Variants in STIM2 observed in about 807,000 individuals in gnomAD.
STIM2 encodes stromal interaction molecule 2.
A neutral mutation model predicts 85.8 loss-of-function variants in STIM2; 31 were observed. The observed-to-expected ratio is 0.36, with a 90% CI of 0.27 to 0.49. The LOEUF is 0.49. STIM2 is among the 20% of genes least tolerant of loss of function. STIM2 has a pLI of 0.98. For synonymous variants in STIM2, 356 were observed against 331.1 expected (o/e 1.08, Z -0.82); for missense variants, 841 against 927.6 (o/e 0.91, Z 1.21).
intron 2 of STIM2, among the ~76,000 whole-genome samples, chr4:26,931,739 CTTACAG>C (rs1257219315): frequency 2.0e-5 from 3 of 152,144 alleles, no homozygotes; most frequent in African/African-American, 7.2e-5. Flanking sequence ...TGTCTATTAA[CTTACAG>C]TTACTGAGGT....
At chr4:26,923,625 G>A (rs1175101314) in intron 2 of STIM2, among the ~76,000 whole-genome samples, 2 of 121,590 alleles carry the variant, frequency 1.6e-5, no homozygotes, top group Non-Finnish European at 3.4e-5. Context: ...CAACTAATGA[G>A]CAAAATCACC....
At chr4:26,991,419 G>A (rs148458948) in intron 3 of STIM2, among the ~76,000 whole-genome samples, 2 of 152,098 alleles carry the variant, frequency 1.3e-5, no homozygotes, top group Non-Finnish European at 2.9e-5. Flanking sequence ...GTTACCAGAG[G>A]CTGGGAAGCG....
intron 4 of STIM2, among the ~76,000 whole-genome samples, chr4:26,998,042 A>C (rs1203877251): frequency 6.6e-6 from 1 of 152,234 alleles, no homozygotes; most frequent in Non-Finnish European, 1.5e-5. Context: ...CAAGTTACTC[A>C]ACCTCTCACA....
At chr4:27,019,341 A>G (rs1433067324) in intron 11 of STIM2, 1 of 952,362 alleles carries the variant, frequency 1.1e-6, no homozygotes, top group African/African-American at 1.7e-5. Flanking sequence ...CAGTTGGAGA[A>G]TCTGATGCGA....
chr4:26,967,653 C>T (rs1726773964), intron 3 of STIM2, among the ~76,000 whole-genome samples: 1 of 152,102 alleles, frequency 6.6e-6, no homozygotes, highest in African/African-American at 2.4e-5. Flanking sequence ...TTGCTTCCTT[C>T]TTTGTCTGCC....
chr4:26,921,461 G>T (rs1445282839), intron 2 of STIM2, among the ~76,000 whole-genome samples: 1 of 152,198 alleles, frequency 6.6e-6, no homozygotes. Context: ...AGTTGCTGTT[G>T]TAACTATTCA....
At chr4:26,988,243 C>T (rs778549344) in intron 3 of STIM2, among the ~76,000 whole-genome samples, 2 of 152,054 alleles carry the variant, frequency 1.3e-5, no homozygotes, top group African/African-American at 2.4e-5. Context: ...TGGACAATTA[C>T]GTTATGGTAT....
rs570158474 is a variant in STIM2 at position 26,956,834 on chromosome 4, C to T, written c.283-778C>T. Among the ~76,000 whole-genome samples the T allele has an allele frequency of 1.2e-4, 19 of 152,108 alleles. No homozygotes were observed. In the South Asian group the frequency reaches 3.3e-3, roughly 27 times the overall value. On this transcript the variant is annotated intron_variant, in intron 2 of 11. Transcript: ENST00000467087. ...CTGTTGAATATAACCAAATGGCTTG[C>T]GTTGGAATTTCAGCTCGATATTCAT...
At position 26,885,859 on chromosome 4, in the gene STIM2, A is replaced by ATG. The variant is rs1396343361; in HGVS notation, c.151+24491_151+24492insGT. Among the ~76,000 whole-genome samples, 19 of 89,428 alleles carry ATG rather than the reference A, an allele frequency of 2.1e-4. 1 individual carries two copies. Among genetic ancestry groups the ATG allele is most frequent in the East Asian group, 1.3e-3 (3 of 2,244 alleles). The allele number at this position is 89,428 out of a possible 152,430, so 58.7% of individuals were successfully genotyped here. A position where few individuals can be genotyped will look rare whatever the true frequency, so the allele number is the denominator to read the frequency against. On this transcript the variant is annotated intron_variant, in intron 1 of 11. Transcript: ENST00000467087. ...TATATATATATATATATATATATAT[A>ATG]TATATATATATATATGTATATGTCT...
rs1044023924 is a variant in STIM2, at chr4:26,954,779, A to T, written c.283-2833A>T. 1.4e-5 allele frequency among the ~76,000 whole-genome samples: 2 copies of T among 148,090 alleles called. 1 individual carries two copies. Among genetic ancestry groups the T allele is most frequent in the African/African-American group, 5.1e-5 (2 of 38,876 alleles). ...TTTCTAAACAAAAATATTTCTAATT[A>T]TACTGGTTTCTAGTCACATTCCGTG... On this transcript the variant is annotated intron_variant, in intron 2 of 11. Coordinates refer to ENST00000467087, the MANE Select transcript of STIM2 (RefSeq NM_020860.4).
chr4:26,904,847 G>A (rs1724064311), intron 1 of STIM2, among the ~76,000 whole-genome samples: 1 of 151,776 alleles, frequency 6.6e-6, no homozygotes, highest in East Asian at 1.9e-4. Flanking sequence ...AAAATGTAAA[G>A]GATGAATTAG....
chr4:26,947,547 G>A (rs1422534969), intron 2 of STIM2, among the ~76,000 whole-genome samples: 1 of 152,084 alleles, frequency 6.6e-6, no homozygotes, highest in South Asian at 2.1e-4. Context: ...ACTTGGAGGA[G>A]GGGGCTGAGG....
At chr4:26,972,714 G>C (rs549711215) in intron 3 of STIM2, among the ~76,000 whole-genome samples, 2 of 152,086 alleles carry the variant, frequency 1.3e-5, no homozygotes, top group Non-Finnish European at 2.9e-5. Flanking sequence ...TTTTTGTTGT[G>C]TCTCTGCCAG....
At chr4:26,974,126 G>A (rs1386791514) in intron 3 of STIM2, among the ~76,000 whole-genome samples, 2 of 152,100 alleles carry the variant, frequency 1.3e-5, no homozygotes, top group African/African-American at 4.8e-5. Flanking sequence ...GCCTATGTAA[G>A]TCTTTGCGCG....
chr4:26,942,104 C>T (rs185488890), intron 2 of STIM2, among the ~76,000 whole-genome samples: 1 of 152,160 alleles, frequency 6.6e-6, no homozygotes, highest in East Asian at 1.9e-4. Context: ...GTAGATGTTA[C>T]GATTGGGGTT....
At chr4:26,938,247 G>A (rs1413681437) in intron 2 of STIM2, among the ~76,000 whole-genome samples, 1 of 151,188 alleles carries the variant, frequency 6.6e-6, no homozygotes, top group African/African-American at 2.4e-5. Flanking sequence ...TAAAGATTGT[G>A]TATATGTAAG....
intron 4 of STIM2, among the ~76,000 whole-genome samples, chr4:26,996,307 T>C (rs1727958368): frequency 6.6e-6 from 1 of 152,104 alleles, no homozygotes; most frequent in Admixed American, 6.5e-5. Context: ...AAATTTGCAA[T>C]GATTCTACCA....
At chr4:26,995,148 T>C (rs946530357) in intron 3 of STIM2, among the ~76,000 whole-genome samples, 2 of 152,136 alleles carry the variant, frequency 1.3e-5, no homozygotes, top group Non-Finnish European at 2.9e-5. Flanking sequence ...TGTATAGGTG[T>C]TTATTTTCGA....
intron 7 of STIM2, 112 bp downstream of exon 7, chr4:27,003,216 GTTGATAAAAGACTCAT>G: frequency 1.0e-6 from 1 of 980,420 alleles, no homozygotes; most frequent in South Asian, 1.9e-5. Context: ...TAGTTCCTCA[GTTGATAAAAGACTCAT>G]TTGTTTATGT....
Sources: gnomAD v4.1 joint callset for allele counts (sites outside exome capture counted in the v4.1 genomes callset) on GRCh38, gnomAD v4.1.1 for gene constraint, MANE v1.5 for transcripts, NCBI Gene and HGNC (gene_info 2026-07-23, HGNC 2026-07-21) for gene names.